The following PPP2R3A variants were observed in gnomAD, a reference collection of about 807,000 sequenced individuals.
The protein encoded by PPP2R3A is protein phosphatase 2 regulatory subunit B''alpha.
PPP2R3A carries 80 observed loss-of-function variants against 106.9 expected under a neutral mutation model. The ratio of observed to expected loss-of-function variants is 0.75; its 90% CI spans 0.62 to 0.90. The LOEUF (loss-of-function observed/expected upper bound fraction) is 0.90, where lower values mean the gene tolerates loss of function less well. PPP2R3A is among the 40% of genes least tolerant of loss of function. PPP2R3A has a pLI of 0.00. For synonymous variants in PPP2R3A, 483 were observed against 468.3 expected, an observed-to-expected ratio of 1.03 and a Z score of -0.41; for missense variants, 1,386 against 1,350.4, an observed-to-expected ratio of 1.03 and a Z score of -0.41.
chr3:136,063,597 G>T (rs1348508646), intron 5 of PPP2R3A, among the ~76,000 whole-genome samples: 3 of 152,194 alleles, frequency 2.0e-5, no homozygotes, highest in African/African-American at 7.2e-5. Flanking sequence ...CCATCAAAAA[G>T]TGGACGAAGG....
At position 136,090,577 on chromosome 3, in the gene PPP2R3A, G is replaced by A; in HGVS notation, c.2838-1G>A. The A allele has an allele frequency of 1.2e-6, 2 of 1,611,750 alleles. No individual in the cohort carries two copies. Among genetic ancestry groups the A allele is most frequent in the South Asian group, 2.2e-5 (2 of 90,932 alleles). On this transcript the variant is annotated splice_acceptor_variant, in intron 9 of 13. Transcript: ENST00000264977. LOFTEE classifies it high-confidence loss of function. ...ATTTTATAACCATGTGTTTTCTTTA[G>A]GGGAAAAACAATACAGAAAGAGGGA... is the stretch of plus-strand genomic sequence containing the variant.
chr3:136,061,836 C>T (rs1576472147), intron 5 of PPP2R3A, among the ~76,000 whole-genome samples: 2 of 146,056 alleles, frequency 1.4e-5, no homozygotes, highest in South Asian at 2.2e-4. Context: ...AGGAGAATGG[C>T]ATGAACCCGG....
intron 13 of PPP2R3A, among the ~76,000 whole-genome samples, chr3:136,114,230 G>A (rs369147301): frequency 1.4e-4 from 21 of 152,242 alleles, no homozygotes; most frequent in East Asian, 7.7e-4. Context: ...GGTACACTCC[G>A]GCCAGATACT....
In PPP2R3A at chr3:136,037,471, T is replaced by C. The variant is rs1030015461; in HGVS notation, c.2263-3388T>C. On this transcript the variant is annotated intron_variant, in intron 3 of 13. Coordinates refer to ENST00000264977, the MANE Select transcript of PPP2R3A (RefSeq NM_002718.5). ...TGGAGTTTTAACTTCTAGCAGAAAG[T>C]TGAGGAAAAGGAATAAGACTCTTTT... 3.9e-5 allele frequency among the ~76,000 whole-genome samples: 6 copies of C among 152,296 alleles called. No homozygotes were observed. The East Asian group carries it at 1.2e-3, about 29-fold the overall frequency.
intron 1 of PPP2R3A, among the ~76,000 whole-genome samples, chr3:135,982,896 T>A (rs1937557491): frequency 6.6e-6 from 1 of 152,212 alleles, no homozygotes; most frequent in Non-Finnish European, 1.5e-5. Flanking sequence ...TGGGTGATTT[T>A]GCTTAGTTAG....
rs536031737 is a variant in PPP2R3A at position 135,975,327 on chromosome 3, A to C, written c.-441+9478A>C. On this transcript the variant is annotated intron_variant, in intron 1 of 13. Coordinates refer to ENST00000264977, the MANE Select transcript of PPP2R3A (RefSeq NM_002718.5). The stretch of plus-strand genomic sequence containing the variant: ...GTCTATCTAGATAGCAAGTTTAGAC[A>C]CTTCATCAGGGGCAGTGTTTCTCAG... 2.0e-5 allele frequency among the ~76,000 whole-genome samples: 3 copies of C among 152,306 alleles called. No individual in the cohort carries two copies. The South Asian group carries it at 6.2e-4, about 32-fold the overall frequency.
intron 3 of PPP2R3A, among the ~76,000 whole-genome samples, chr3:136,032,564 G>A (rs1934937440): frequency 1.4e-5 from 2 of 146,922 alleles, no homozygotes; most frequent in South Asian, 4.3e-4. Context: ...GTCTCGCTCT[G>A]TCGCCCAGGC....
intron 13 of PPP2R3A, among the ~76,000 whole-genome samples, chr3:136,129,335 A>G (rs1222586939): frequency 2.0e-5 from 3 of 152,186 alleles, no homozygotes; most frequent in Admixed American, 1.3e-4. Flanking sequence ...TAAAGGGGAT[A>G]TCACCACCGA....
chr3:136,088,322 T>C (rs1937009785), intron 9 of PPP2R3A, among the ~76,000 whole-genome samples: 1 of 152,202 alleles, frequency 6.6e-6, no homozygotes, highest in African/African-American at 2.4e-5. Flanking sequence ...CAGTATTAGC[T>C]TCCACTTACA....
intron 13 of PPP2R3A, among the ~76,000 whole-genome samples, chr3:136,125,023 G>A (rs566643032): frequency 5.9e-4 from 90 of 152,138 alleles, no homozygotes; most frequent in Non-Finnish European, 1.2e-3. Context: ...TTCCCCATAA[G>A]AAAAGTCCAA....
intron 1 of PPP2R3A, among the ~76,000 whole-genome samples, chr3:135,977,692 T>TC (rs1297577823): frequency 2.2e-5 from 3 of 136,564 alleles, no homozygotes; most frequent in African/African-American, 8.3e-5. Context: ...AGCATTCTTT[T>TC]TTTTTTTTTT....
At chr3:135,966,351 G>T (rs1937084696) in intron 1 of PPP2R3A, among the ~76,000 whole-genome samples, 1 of 152,186 alleles carries the variant, frequency 6.6e-6, no homozygotes, top group Admixed American at 6.5e-5. Flanking sequence ...GGCCAAAGAA[G>T]GATGTGTCAC....
Position 136,002,243 on chromosome 3 carries a change from A to C in PPP2R3A, c.745A>C (p.Ile249Leu). Residue 249 changes from isoleucine to leucine, a missense_variant, in exon 2 of 14, where the codon ATC becomes CTC. Transcript: ENST00000264977. ...CSEDLKKCTD[I>L]IKQCIKKKSG... ...CGAGGATTTAAAAAAATGCACAGAC[A>C]TCATAAAACAATGCATAAAGAAAAA... 1 of 1,613,934 alleles carries C rather than the reference A, an allele frequency of 6.2e-7. No homozygotes were observed. Among genetic ancestry groups the C allele is most frequent in the East Asian group, 2.2e-5 (1 of 44,872 alleles).
At chr3:136,016,409 G>A (rs929734996) in intron 2 of PPP2R3A, among the ~76,000 whole-genome samples, 2 of 152,140 alleles carry the variant, frequency 1.3e-5, no homozygotes, top group African/African-American at 4.8e-5. Flanking sequence ...AGTGCATTCA[G>A]TGCAGTATTA....
intron 5 of PPP2R3A, among the ~76,000 whole-genome samples, chr3:136,070,194 G>A (rs984894340): frequency 3.3e-5 from 5 of 152,166 alleles, no homozygotes; most frequent in African/African-American, 1.2e-4. Context: ...TGCTGTTGAT[G>A]TGTTAGAATT....
intron 1 of PPP2R3A, among the ~76,000 whole-genome samples, chr3:135,999,088 C>CA (rs1184936570): frequency 6.6e-6 from 1 of 152,178 alleles, no homozygotes. Flanking sequence ...CCGAAGACAT[C>CA]ACTATATGTC....
At chr3:136,010,617 G>A (rs578002155) in intron 2 of PPP2R3A, among the ~76,000 whole-genome samples, 6 of 151,954 alleles carry the variant, frequency 3.9e-5, no homozygotes, top group South Asian at 4.2e-4. Context: ...TAGTAGAGAC[G>A]GAGTTTCACC....
At chr3:136,089,138 T>G (rs1340512020) in intron 9 of PPP2R3A, among the ~76,000 whole-genome samples, 1 of 152,180 alleles carries the variant, frequency 6.6e-6, no homozygotes, top group East Asian at 1.9e-4. Flanking sequence ...TTTGAGGACT[T>G]AGCCATAAAT....
At chr3:136,105,166 G>A (rs796425413) in intron 12 of PPP2R3A, among the ~76,000 whole-genome samples, 89 of 152,326 alleles carry the variant, frequency 5.8e-4, no homozygotes, top group African/African-American at 2.0e-3. Context: ...CACAGACAGC[G>A]TGGTATCTGA....
Sources: allele counts gnomAD v4.1 joint callset (sites outside exome capture counted in the v4.1 genomes callset), GRCh38; gene constraint gnomAD v4.1.1; transcripts MANE v1.5; gene names NCBI Gene and HGNC (gene_info 2026-07-23, HGNC 2026-07-21).